Variants in TBC1D1 observed in about 807,000 individuals in gnomAD.
TBC1D1 encodes TBC1 domain family member 1.
Under a neutral mutation model 125.6 loss-of-function variants are expected in TBC1D1, and 89 were observed. The ratio of observed to expected loss-of-function variants is 0.71; its 90% CI spans 0.60 to 0.85. The LOEUF (loss-of-function observed/expected upper bound fraction) is 0.85. Ranked by LOEUF, TBC1D1 falls within the 40% of genes least tolerant of loss-of-function variation. TBC1D1 has a pLI of 0.00. For synonymous variants in TBC1D1, 565 were observed against 564.1 expected (o/e 1.00, Z -0.02); for missense variants, 1,377 against 1,469.2 (o/e 0.94, Z 1.03).
At chr4:38,020,876 C>T (rs1743866491) in intron 5 of TBC1D1, 181 bp downstream of exon 5, 1 of 442,278 alleles carries the variant, frequency 2.3e-6, no homozygotes, top group Non-Finnish European at 4.1e-6. Context: ...ATTGGCTGTG[C>T]ATTTTATATT....
Position 38,079,521 on chromosome 4 carries a change from C to T in TBC1D1, c.2051-10411C>T, listed in dbSNP as rs541215859. On this transcript the variant is annotated intron_variant, in intron 12 of 19. Transcript: ENST00000261439. ...GGCAGATCACCTGAGATCAGGAGTT[C>T]GACACCTGACTTGGTCAACGTGGTG... Among the ~76,000 whole-genome samples the T allele has an allele frequency of 1.6e-4, 24 of 152,060 alleles. No homozygotes were observed. In the South Asian group the frequency reaches 2.1e-3, roughly 13 times the overall value.
At chr4:37,974,733 AT>A (rs906532779) in intron 2 of TBC1D1, among the ~76,000 whole-genome samples, 6 of 151,188 alleles carry the variant, frequency 4.0e-5, no homozygotes, top group African/African-American at 1.5e-4. Flanking sequence ...AATTTTTTGT[AT>A]TTTTAGTAGA....
At position 38,115,786 on chromosome 4, in the gene TBC1D1, G is replaced by A; in HGVS notation, c.2634G>A (p.Lys878=). 1 of 1,614,110 alleles carries A rather than the reference G, an allele frequency of 6.2e-7. No individual in the cohort carries two copies. Residue 878 remains lysine (K), a synonymous_variant, in exon 16 of 20, where the codon AAG becomes AAA. Transcript: ENST00000261439. ...AGCTATCGCTTTACAACATTTTGAA[G>A]GCCTACTCACTTCTAGACCAGGAAG... is the stretch of plus-strand genomic sequence containing the variant.
In TBC1D1 at chr4:37,949,541, T is replaced by G. The variant is rs560350727; in HGVS notation, c.417+47029T>G. 2.6e-5 allele frequency among the ~76,000 whole-genome samples: 4 copies of G among 152,346 alleles called. No homozygotes were observed. In the East Asian group the frequency reaches 7.7e-4, roughly 29 times the overall value. ...TTCTCATTTTAACCACCAGTCTCTC[T>G]GCTTCTCAGCCTGAGGCTTTCTCAG... On this transcript the variant is annotated intron_variant, in intron 2 of 19. Transcript: ENST00000261439.
chr4:38,066,962 C>T (rs147281850), intron 12 of TBC1D1, among the ~76,000 whole-genome samples: 15 of 152,060 alleles, frequency 9.9e-5, no homozygotes, highest in African/African-American at 2.9e-4. Flanking sequence ...CTGCAACCTC[C>T]GCCTCCTGGG....
intron 2 of TBC1D1, among the ~76,000 whole-genome samples, chr4:37,982,948 G>T (rs539901267): frequency 6.6e-6 from 1 of 152,160 alleles, no homozygotes; most frequent in Non-Finnish European, 1.5e-5. Context: ...AGGCCTGGAG[G>T]CCCCTTGGTG....
intron 10 of TBC1D1, among the ~76,000 whole-genome samples, chr4:38,049,366 T>G (rs1750055315): frequency 6.6e-6 from 1 of 152,210 alleles, no homozygotes; most frequent in Non-Finnish European, 1.5e-5. Flanking sequence ...TTACAGATTG[T>G]GGCTTATGTC....
chr4:38,089,290 C>T (rs34939226), intron 12 of TBC1D1, among the ~76,000 whole-genome samples: 23,458 of 152,090 alleles, frequency 0.15, 1,931 homozygotes, highest in South Asian at 0.2. Context: ...AAATGCCCAG[C>T]GCAGTGCCCA....
intron 13 of TBC1D1, among the ~76,000 whole-genome samples, chr4:38,092,936 C>A (rs1406331100): frequency 6.6e-6 from 1 of 151,968 alleles, no homozygotes; most frequent in African/African-American, 2.4e-5. Flanking sequence ...ATGTGCACAT[C>A]TTTGAGATGT....
intron 11 of TBC1D1, 81 bp downstream of exon 12, chr4:38,052,141 G>T: frequency 7.0e-7 from 1 of 1,419,306 alleles, no homozygotes. Flanking sequence ...TGAATGGGGG[G>T]AATGTCCATG....
At chr4:38,093,836 T>C (rs1758867244) in intron 13 of TBC1D1, among the ~76,000 whole-genome samples, 1 of 152,014 alleles carries the variant, frequency 6.6e-6, no homozygotes, top group Admixed American at 6.6e-5. Flanking sequence ...TCCAGCCAAT[T>C]TTTCTGTATT....
At chr4:37,987,337 A>G (rs1216125097) in intron 2 of TBC1D1, among the ~76,000 whole-genome samples, 1 of 152,084 alleles carries the variant, frequency 6.6e-6, no homozygotes, top group Non-Finnish European at 1.5e-5. Context: ...TGAAATTCAG[A>G]AAGGCTAGGT....
At chr4:38,048,486 T>C (rs908651319) in intron 10 of TBC1D1, among the ~76,000 whole-genome samples, 5 of 152,054 alleles carry the variant, frequency 3.3e-5, no homozygotes, top group Non-Finnish European at 5.9e-5. Flanking sequence ...GGGAATTTTT[T>C]CCTAATTCTT....
At chr4:38,023,349 T>A (rs1361975217) in intron 6 of TBC1D1, among the ~76,000 whole-genome samples, 2 of 152,200 alleles carry the variant, frequency 1.3e-5, no homozygotes, top group African/African-American at 2.4e-5. Flanking sequence ...TAAAAACATA[T>A]GTAACACAAA....
Position 38,020,795 on chromosome 4 carries a change from CAT to C in TBC1D1, c.1077+103_1077+104del, listed in dbSNP as rs1354454046. On this transcript the variant is annotated intron_variant, in intron 5 of 19. Transcript: ENST00000261439. ...TTAGGGAAAACCAGATGGTCATTGACATATCATTATTTGTCTTTAGTTATTTA... is the reference window on the plus strand; with the variant it reads ...TTAGGGAAAACCAGATGGTCATTGACATCATTATTTGTCTTTAGTTATTTA... 6.5e-6 allele frequency: 6 copies of C among 923,958 alleles called. No homozygotes were observed. The African/African-American group carries it at 8.3e-5, about 13-fold the overall frequency. 57.2% of individuals were successfully genotyped at this position (923,958 alleles called of 1,614,324 possible). A position where few individuals can be genotyped will look rare whatever the true frequency, so the allele number is the denominator to read the frequency against.
chr4:38,065,097 AT>A (rs1433763667), intron 12 of TBC1D1, among the ~76,000 whole-genome samples: 5 of 151,816 alleles, frequency 3.3e-5, no homozygotes, highest in African/African-American at 7.3e-5. Context: ...CACCTGGCTA[AT>A]TTTTTTATTT....
chr4:38,089,786 C>T, intron 12 of TBC1D1, 146 bp from the exon 15 acceptor site: 1 of 811,238 alleles, frequency 1.2e-6, no homozygotes. Flanking sequence ...GTGGCTTATG[C>T]CAATGCATAT....
At chr4:37,918,596 C>T (rs1395622069) in intron 2 of TBC1D1, among the ~76,000 whole-genome samples, 2 of 151,988 alleles carry the variant, frequency 1.3e-5, no homozygotes, top group Non-Finnish European at 2.9e-5. Flanking sequence ...TACAGATGTG[C>T]GCCACCACGC....
chr4:38,109,092 A>G (rs1220409043), intron 15 of TBC1D1, among the ~76,000 whole-genome samples: 3 of 152,220 alleles, frequency 2.0e-5, no homozygotes, highest in Non-Finnish European at 4.4e-5. Flanking sequence ...GTCCTGTGTG[A>G]GAAATGAGAA....
Sources: gnomAD v4.1 joint callset for allele counts (sites outside exome capture counted in the v4.1 genomes callset) on GRCh38, gnomAD v4.1.1 for gene constraint, MANE v1.5 for transcripts, NCBI Gene and HGNC (gene_info 2026-07-23, HGNC 2026-07-21) for gene names.